The following DDX43 variants were observed in gnomAD, a reference collection of about 807,000 sequenced individuals.
DDX43 encodes the protein probable ATP-dependent RNA helicase DDX43.
A neutral mutation model predicts 84.9 loss-of-function variants in DDX43; 50 were observed. That is an observed-to-expected ratio of 0.59 (90% CI 0.47 to 0.75). The LOEUF (loss-of-function observed/expected upper bound fraction) is 0.75, where lower values mean the gene tolerates loss of function less well. Among genes scored for constraint, DDX43 ranks in the 30% least tolerant of loss-of-function variants. DDX43 has a pLI of 0.00. For missense variants in DDX43, 689 were observed against 798.6 expected, an observed-to-expected ratio of 0.86 and a Z score of 1.65; for synonymous variants, 291 against 266.3, an observed-to-expected ratio of 1.09 and a Z score of -0.90.
chr6:73,407,809 A>G, intron 8 of DDX43, 151 bp from the exon 9 acceptor site: 1 of 826,280 alleles, frequency 1.2e-6, no homozygotes, highest in Non-Finnish European at 1.9e-6. Flanking sequence ...AGGATACAAC[A>G]TTATGGATTG....
At chr6:73,405,552 C>A in intron 5 of DDX43, 127 bp from the exon 6 acceptor site, 1 of 864,502 alleles carries the variant, frequency 1.2e-6, no homozygotes, top group Non-Finnish European at 1.8e-6. Flanking sequence ...TTCATTATAA[C>A]TTCCCTGACA....
intron 10 of DDX43, among the ~76,000 whole-genome samples, chr6:73,410,030 C>CAA (rs200732786): frequency 2.8e-4 from 26 of 94,258 alleles, no homozygotes; most frequent in Non-Finnish European, 3.9e-4. Flanking sequence ...AAATCTGTCT[C>CAA]AAAAAAAAAA....
intron 2 of DDX43, among the ~76,000 whole-genome samples, chr6:73,399,154 C>G (rs1769525012): frequency 6.6e-6 from 1 of 152,118 alleles, no homozygotes; most frequent in South Asian, 2.1e-4. Context: ...ACTATGTTGG[C>G]CAGGCTGGTC....
chr6:73,407,034 CTG>C (rs1179558983), intron 7 of DDX43: 2 of 154,460 alleles, frequency 1.3e-5, no homozygotes, highest in African/African-American at 4.8e-5. Context: ...TTAGCAAAGT[CTG>C]TAATATATAG....
At chr6:73,412,655 G>GCA (rs1294587458) in intron 11 of DDX43, among the ~76,000 whole-genome samples, 31 of 89,526 alleles carry the variant, frequency 3.5e-4, no homozygotes, top group African/African-American at 1.1e-3. Context: ...GTGTGTGTGT[G>GCA]TGTGTGTGTG....
In DDX43 at chr6:73,412,562, C is replaced by A. The variant is rs536097233; in HGVS notation, c.1368+270C>A. 1.6e-4 allele frequency among the ~76,000 whole-genome samples: 24 copies of A among 150,298 alleles called. No individual in the cohort carries two copies. The East Asian group carries it at 4.7e-3, about 29-fold the overall frequency. On this transcript the variant is annotated intron_variant, in intron 11 of 16. Coordinates refer to ENST00000370336, the MANE Select transcript of DDX43 (RefSeq NM_018665.3). ...TTTGTGTCAGAGTCTCACTGTATTGCCCAGGCTGGAGTGCAGTGGGGTGAT... is the reference window on the plus strand; with the variant it reads ...TTTGTGTCAGAGTCTCACTGTATTGACCAGGCTGGAGTGCAGTGGGGTGAT...
rs968640813 is a variant in DDX43 at position 73,406,388 on chromosome 6, C to T, written c.832C>T (p.Gln278Ter). Residue 278 changes from glutamine (Q) to a stop codon, truncating the protein, a stop_gained, in exon 7 of 17, where the codon CAA becomes TAA. Transcript: ENST00000370336. LOFTEE classifies it high-confidence loss of function. ...GTCACAGGCATGGCCCATTGTGTTG[C>T]AAGGAATAGATCTTATAGGAGTAGC... ...IQSQAWPIVL[Q>*]GIDLIGVAQT... 2 of 1,611,450 alleles carry T rather than the reference C, an allele frequency of 1.2e-6. No homozygotes were observed. The highest frequency in any genetic ancestry group is 1.3e-5 in the African/African-American group (1 of 74,798).
At chr6:73,412,092 A>T in intron 10 of DDX43, 113 bp from the exon 11 acceptor site, 1 of 822,486 alleles carries the variant, frequency 1.2e-6, no homozygotes, top group Non-Finnish European at 1.9e-6. Context: ...TTACTTATTG[A>T]AAAAATAAGT....
intron 3 of DDX43, 125 bp downstream of exon 3, chr6:73,400,488 A>AT (rs1769546691): frequency 1.2e-6 from 1 of 838,974 alleles, no homozygotes; most frequent in African/African-American, 1.8e-5. Context: ...AGTCTTAATG[A>AT]TTTTTTACTA....
At position 73,413,760 on chromosome 6, in the gene DDX43, A is replaced by G. The variant is rs1484939484; in HGVS notation, c.1471A>G (p.Ile491Val). 13 of 1,613,268 alleles carry G rather than the reference A, an allele frequency of 8.1e-6. No homozygotes were observed. In the South Asian group the frequency reaches 1.4e-4, roughly 18 times the overall value. Residue 491 changes from isoleucine (I) to valine (V), a missense_variant, in exon 12 of 17, where the codon ATT becomes GTT. Ile to Val is a conservative substitution (Grantham distance 29). Around this residue, in one of 2 missense-constraint regions of DDX43, gnomAD observed 552 missense variants for 692.7 expected, o/e 0.80. Coordinates refer to ENST00000370336, the MANE Select transcript of DDX43 (RefSeq NM_018665.3). ...LQSMSSTDKV[I>V]VFVSRKAVAD... ...GAGTATGTCATCCACAGACAAAGTCATTGTCTTCGTTTCTCGAAAAGCTGT... is the reference window on the plus strand; with the variant it reads ...GAGTATGTCATCCACAGACAAAGTCGTTGTCTTCGTTTCTCGAAAAGCTGT...
At chr6:73,400,421 T>C (rs1769544871) in intron 3 of DDX43, 58 bp downstream of exon 3, 2 of 1,468,820 alleles carry the variant, frequency 1.4e-6, no homozygotes, top group African/African-American at 2.9e-5. Context: ...TTCAGTGTTA[T>C]AAGCCATTAT....
At chr6:73,397,322 G>T (rs1769491727) in intron 1 of DDX43, among the ~76,000 whole-genome samples, 1 of 152,182 alleles carries the variant, frequency 6.6e-6, no homozygotes, top group Non-Finnish European at 1.5e-5. Flanking sequence ...TCTCATGCCT[G>T]TTGGCCATTT....
At chr6:73,413,536 T>C in intron 11 of DDX43, 122 bp from the exon 12 acceptor site, 1 of 963,572 alleles carries the variant, frequency 1.0e-6, no homozygotes, top group Non-Finnish European at 1.5e-6. Context: ...CGTCTGCCAT[T>C]TTGCTTAGCA....
chr6:73,394,866 C>T lies in DDX43; in HGVS notation c.-40C>T, dbSNP rs1317990824. Reference sequence around the variant, plus strand: ...GACGTCACGGTCAGGTGGTGCAGAGCTGGACGGCAACGACGTCGGACGCGC... The same window carrying T: ...GACGTCACGGTCAGGTGGTGCAGAGTTGGACGGCAACGACGTCGGACGCGC... On this transcript the variant is annotated 5_prime_UTR_variant, in exon 1 of 17. Transcript: ENST00000370336. 1 of 1,605,460 alleles carries T rather than the reference C, an allele frequency of 6.2e-7. No individual in the cohort carries two copies. The highest frequency in any genetic ancestry group is 8.5e-7 in the Non-Finnish European group (1 of 1,175,662).
intron 2 of DDX43, chr6:73,398,133 T>A (rs1194585388): frequency 6.3e-6 from 1 of 159,722 alleles, no homozygotes; most frequent in East Asian, 1.8e-4. Context: ...TCTGCTGAGT[T>A]ATTAACATAC....
chr6:73,414,362 C>T (rs144133881), intron 13 of DDX43, among the ~76,000 whole-genome samples, 186 bp from the exon 14 acceptor site: 3 of 152,262 alleles, frequency 2.0e-5, no homozygotes, highest in Middle Eastern at 3.4e-3. Flanking sequence ...GGGTTTAGGA[C>T]CCATTTGCTG....
intron 16 of DDX43, 113 bp from the exon 17 acceptor site, chr6:73,417,074 C>T (rs1195472529): frequency 6.6e-6 from 1 of 152,148 alleles, no homozygotes; most frequent in African/African-American, 2.4e-5. Flanking sequence ...ATATACACTA[C>T]AGAGTTGCAC....
chr6:73,404,482 G>A (rs1272717147), intron 4 of DDX43, among the ~76,000 whole-genome samples: 3 of 152,208 alleles, frequency 2.0e-5, no homozygotes, highest in Non-Finnish European at 2.9e-5. Context: ...GCCTCTCAAA[G>A]TGCTGGGATT....
intron 10 of DDX43, among the ~76,000 whole-genome samples, chr6:73,410,030 C>CAAAAAA (rs200732786): frequency 1.1e-5 from 1 of 94,278 alleles, no homozygotes; most frequent in African/African-American, 4.0e-5. Flanking sequence ...AAATCTGTCT[C>CAAAAAA]AAAAAAAAAA....
Sources: allele counts gnomAD v4.1 joint callset (sites outside exome capture counted in the v4.1 genomes callset), GRCh38; gene constraint gnomAD v4.1.1; regional missense constraint gnomAD v4.1.1; transcripts MANE v1.5; gene names NCBI Gene and HGNC (gene_info 2026-07-23, HGNC 2026-07-21).